SLC30A7: variants seen among roughly 807,000 people sequenced by gnomAD.
SLC30A7 encodes solute carrier family 30 member 7.
Under a neutral mutation model 46.0 loss-of-function variants are expected in SLC30A7, and 35 were observed. That is an observed-to-expected ratio of 0.76 (90% CI 0.58 to 1.01). The LOEUF (loss-of-function observed/expected upper bound fraction) is 1.01, where lower values mean the gene tolerates loss of function less well. SLC30A7 is among the 50% of genes least tolerant of loss of function. The pLI is 0.00. For synonymous variants in SLC30A7, 147 were observed against 157.8 expected, an observed-to-expected ratio of 0.93 and a Z score of 0.51; for missense variants, 464 against 451.1, an observed-to-expected ratio of 1.03 and a Z score of -0.26.
chr1:100,907,657 T>G (rs1255563284), intron 3 of SLC30A7, among the ~76,000 whole-genome samples: 1 of 151,918 alleles, frequency 6.6e-6, no homozygotes, highest in Non-Finnish European at 1.5e-5. Flanking sequence ...GTCTTTCCTA[T>G]TCCCTCTCTC....
chr1:100,911,027 CATA>C (rs776867069), intron 3 of SLC30A7, 33 bp from the exon 4 acceptor site: 48 of 1,451,774 alleles, frequency 3.3e-5, no homozygotes, highest in Non-Finnish European at 4.5e-5. Context: ...TAAGAAATAA[CATA>C]ATAATTCAGT....
the SLC30A7 span, among the ~76,000 whole-genome samples, chr1:100,990,897 C>G: frequency 2.0e-5 from 3 of 152,240 alleles, no homozygotes; most frequent in Non-Finnish European, 4.4e-5. Context: ...ACAAGCTATA[C>G]TTACACTCTA....
the SLC30A7 span, chr1:100,990,507 G>A: frequency 5.0e-6 from 8 of 1,614,142 alleles, no homozygotes; most frequent in Non-Finnish European, 6.8e-6. Context: ...CTCCTGTGAT[G>A]ATCAAGGAAT....
intron 8 of SLC30A7, among the ~76,000 whole-genome samples, chr1:100,934,670 A>G (rs547286461): frequency 6.8e-6 from 1 of 148,060 alleles, no homozygotes; most frequent in Admixed American, 6.7e-5. Context: ...ATCAATACCT[A>G]TATATATATA....
chr1:100,983,637 G>A (rs1180449502), downstream of SLC30A7, among the ~76,000 whole-genome samples: 1 of 152,128 alleles, frequency 6.6e-6, no homozygotes, highest in African/African-American at 2.4e-5. Flanking sequence ...CTCTTTTTGT[G>A]AAAGAGCAAC....
intron 9 of SLC30A7, among the ~76,000 whole-genome samples, chr1:100,964,343 T>TATATAC (rs1376470960): frequency 7.0e-6 from 1 of 143,608 alleles, no homozygotes; most frequent in Non-Finnish European, 1.5e-5. Context: ...ATATATGTTA[T>TATATAC]ATATACATAT....
At chr1:100,896,422 A>C (rs41305864) in intron 1 of SLC30A7, 80 bp downstream of exon 1, 7 of 1,500,330 alleles carry the variant, frequency 4.7e-6, no homozygotes, top group South Asian at 4.5e-5. Context: ...CCCGAGGTCC[A>C]GTGAGGGAGA....
At chr1:100,916,747 C>T (rs1346668628) in intron 6 of SLC30A7, among the ~76,000 whole-genome samples, 1 of 130,484 alleles carries the variant, frequency 7.7e-6, no homozygotes, top group Admixed American at 8.6e-5. Context: ...ACCATCCTCA[C>T]TCCTGCAGCA....
chr1:100,986,670 T>C (rs1350194094), downstream of SLC30A7, among the ~76,000 whole-genome samples: 1 of 152,122 alleles, frequency 6.6e-6, no homozygotes, highest in Non-Finnish European at 1.5e-5. Context: ...TTATACACAA[T>C]CGCTAAAAAG....
intron 8 of SLC30A7, among the ~76,000 whole-genome samples, chr1:100,933,353 A>G (rs904146356): frequency 3.9e-5 from 6 of 151,930 alleles, no homozygotes; most frequent in African/African-American, 1.5e-4. Flanking sequence ...ACCTTTGCTC[A>G]TAGTATTCTT....
At chr1:100,966,663 T>C (rs1053487112) in intron 10 of SLC30A7, among the ~76,000 whole-genome samples, 1 of 152,190 alleles carries the variant, frequency 6.6e-6, no homozygotes, top group African/African-American at 2.4e-5. Flanking sequence ...TTTTAGTTAA[T>C]ATTCTTCAGG....
At chr1:100,952,595 A>G (rs1655016065) in intron 8 of SLC30A7, among the ~76,000 whole-genome samples, 1 of 152,148 alleles carries the variant, frequency 6.6e-6, no homozygotes, top group Non-Finnish European at 1.5e-5. Flanking sequence ...AGAGAGAAAA[A>G]AGGCAAGAAA....
In SLC30A7 at chr1:100,957,691, A is replaced by C. The variant is rs1655302719; in HGVS notation, c.843-4137A>C. Among the ~76,000 whole-genome samples the C allele has an allele frequency of 2.0e-5, 3 of 152,226 alleles. No individual in the cohort carries two copies. The South Asian group carries it at 6.2e-4, about 31-fold the overall frequency. On this transcript the variant is annotated intron_variant, in intron 8 of 10. Coordinates refer to ENST00000357650, the MANE Select transcript of SLC30A7 (RefSeq NM_133496.5). Reference sequence around the variant, plus strand: ...TAGTTCCCTAGATTGAGATTGGAGAAGAAATTATTAAAATAACTAAACTTA... The same window carrying C: ...TAGTTCCCTAGATTGAGATTGGAGACGAAATTATTAAAATAACTAAACTTA...
At chr1:100,924,661 C>T (rs1653169827) in intron 8 of SLC30A7, among the ~76,000 whole-genome samples, 1 of 147,886 alleles carries the variant, frequency 6.8e-6, no homozygotes. Flanking sequence ...CCTAAATCTC[C>T]CTGGCCAAAA....
At chr1:100,938,412 A>G (rs1345724703) in intron 8 of SLC30A7, among the ~76,000 whole-genome samples, 1 of 152,208 alleles carries the variant, frequency 6.6e-6, no homozygotes, top group African/African-American at 2.4e-5. Context: ...AAGCATTTCT[A>G]ACATCTATCA....
chr1:100,957,875 A>G (rs759356665), intron 8 of SLC30A7, among the ~76,000 whole-genome samples: 1 of 152,146 alleles, frequency 6.6e-6, no homozygotes, highest in African/African-American at 2.4e-5. Flanking sequence ...TTCCTGAGAA[A>G]TGAGGATGGA....
chr1:100,915,029 A>T (rs1652387125), intron 6 of SLC30A7, among the ~76,000 whole-genome samples: 1 of 152,182 alleles, frequency 6.6e-6, no homozygotes, highest in African/African-American at 2.4e-5. Flanking sequence ...TGAGGTAAGT[A>T]TGCACCCATG....
intron 10 of SLC30A7, among the ~76,000 whole-genome samples, chr1:100,973,248 G>C (rs969802221): frequency 6.6e-6 from 1 of 152,040 alleles, no homozygotes; most frequent in Admixed American, 6.6e-5. Flanking sequence ...ACAGTGCTTT[G>C]AGGAGTCCAG....
chr1:100,945,060 T>G (rs1420789922), intron 8 of SLC30A7, among the ~76,000 whole-genome samples: 2 of 152,262 alleles, frequency 1.3e-5, no homozygotes, highest in Non-Finnish European at 2.9e-5. Context: ...CATTTTTTCA[T>G]GTGTCCGTTG....
Sources: gnomAD v4.1 joint callset for allele counts (sites outside exome capture counted in the v4.1 genomes callset) on GRCh38, gnomAD v4.1.1 for gene constraint, MANE v1.5 for transcripts, NCBI Gene and HGNC (gene_info 2026-07-23, HGNC 2026-07-21) for gene names.